The following UTRN variants were observed in gnomAD, a reference collection of about 807,000 sequenced individuals.
The protein encoded by UTRN is dystrophin-related protein 1.
A neutral mutation model predicts 463.9 loss-of-function variants in UTRN; 283 were observed. The ratio of observed to expected loss-of-function variants is 0.61; its 90% confidence interval spans 0.55 to 0.67. The LOEUF is 0.67. Among genes scored for constraint, UTRN ranks in the 30% least tolerant of loss-of-function variants. UTRN has a pLI of 0.00. For synonymous variants in UTRN, 1,442 were observed against 1,431.5 expected (o/e 1.01, Z -0.17); for missense variants, 3,922 against 4,084.3 (o/e 0.96, Z 1.08).
intron 54 of UTRN, among the ~76,000 whole-genome samples, chr6:144,746,493 T>C (rs746405456): frequency 3.2e-4 from 48 of 152,238 alleles, no homozygotes; most frequent in Non-Finnish European, 5.7e-4. Context: ...TTTTTATTTT[T>C]ATTTTTTTGA....
At chr6:144,357,671 T>C (rs1020173072) in intron 2 of UTRN, among the ~76,000 whole-genome samples, 2 of 152,248 alleles carry the variant, frequency 1.3e-5, no homozygotes, top group Non-Finnish European at 2.9e-5. Flanking sequence ...GAATCACTGA[T>C]CTTAGTACTT....
intron 33 of UTRN, among the ~76,000 whole-genome samples, chr6:144,496,255 G>GGT (rs1483451341): frequency 6.6e-6 from 1 of 152,156 alleles, no homozygotes; most frequent in African/African-American, 2.4e-5. Flanking sequence ...AGGTAATATT[G>GGT]AAGTTTCTAT....
rs749185602 is a variant in UTRN, at chr6:144,448,595, T to C, written c.1903-5T>C. 4 of 1,611,236 alleles carry C rather than the reference T, an allele frequency of 2.5e-6. No homozygotes were observed. Among genetic ancestry groups the C allele is most frequent in the Non-Finnish European group, 3.4e-6 (4 of 1,178,860 alleles). On this transcript the variant is annotated splice_region_variant and splice_polypyrimidine_tract_variant and intron_variant, in intron 16 of 74. Transcript: ENST00000367545. Reference sequence around the variant, plus strand: ...CATTGAAATTTTGGATGGCTTTTATTTCAGGTGACTCAGGCTGTAGCAAAG... The same window carrying C: ...CATTGAAATTTTGGATGGCTTTTATCTCAGGTGACTCAGGCTGTAGCAAAG...
intron 39 of UTRN, among the ~76,000 whole-genome samples, chr6:144,519,643 A>G (rs1795911916): frequency 1.3e-5 from 2 of 152,254 alleles, no homozygotes; most frequent in South Asian, 2.1e-4. Flanking sequence ...AAAAAAATCT[A>G]TTTTGGGAAT....
At chr6:144,542,016 A>T (rs2128607091) in intron 45 of UTRN, among the ~76,000 whole-genome samples, 1 of 152,294 alleles carries the variant, frequency 6.6e-6, no homozygotes, top group South Asian at 2.1e-4. Flanking sequence ...ATCCTGGAGG[A>T]CTCACTGTGC....
intron 41 of UTRN, among the ~76,000 whole-genome samples, chr6:144,525,187 A>G (rs1417429601): frequency 1.3e-5 from 2 of 151,978 alleles, no homozygotes; most frequent in East Asian, 3.9e-4. Context: ...GTATTAGGGT[A>G]ATACTGGCTT....
intron 66 of UTRN, among the ~76,000 whole-genome samples, chr6:144,822,392 A>G (rs1440998593): frequency 2.6e-5 from 4 of 152,114 alleles, no homozygotes; most frequent in Non-Finnish European, 5.9e-5. Context: ...GCATATTTAG[A>G]TAGGTCCATG....
rs1787144298 is a variant in UTRN, at chr6:144,441,387, C to A, written c.1512+916C>A. Among the ~76,000 whole-genome samples the A allele has an allele frequency of 2.0e-5, 3 of 152,342 alleles. No individual in the cohort carries two copies. The South Asian group carries it at 6.2e-4, about 32-fold the overall frequency. On this transcript the variant is annotated intron_variant, in intron 13 of 74. Transcript: ENST00000367545. ...AAACAAAAGGGCTACAGTCCCCATT[C>A]AAGTATGGAATACGGTGGGGTAGTC...
chr6:144,585,353 A>T (rs1168289884), intron 51 of UTRN, among the ~76,000 whole-genome samples: 2 of 152,150 alleles, frequency 1.3e-5, no homozygotes, highest in Non-Finnish European at 1.5e-5. Flanking sequence ...TCTTTCCCAT[A>T]TGCAAAATTA....
At chr6:144,503,851 A>T (rs1030496449) in intron 34 of UTRN, among the ~76,000 whole-genome samples, 2 of 152,234 alleles carry the variant, frequency 1.3e-5, no homozygotes, top group Admixed American at 1.3e-4. Flanking sequence ...GGCCATTTTC[A>T]CAGTATTGAT....
At chr6:144,528,383 A>G in intron 41 of UTRN, among the ~76,000 whole-genome samples, 1 of 152,012 alleles carries the variant, frequency 6.6e-6, no homozygotes, top group East Asian at 1.9e-4. Context: ...TTGTCATATT[A>G]CCATAATTGT....
intron 65 of UTRN, among the ~76,000 whole-genome samples, chr6:144,820,140 A>G (rs768921399): frequency 7.2e-6 from 1 of 139,768 alleles, no homozygotes; most frequent in East Asian, 2.5e-4. Flanking sequence ...TTGGAGAACA[A>G]TAGTTCATGG....
chr6:144,330,474 G>T (rs1447351277), intron 2 of UTRN, among the ~76,000 whole-genome samples: 1 of 152,134 alleles, frequency 6.6e-6, no homozygotes, highest in Non-Finnish European at 1.5e-5. Context: ...AAGCTCTCTT[G>T]CAAGAGTTAG....
chr6:144,288,866 C>G (rs1384619442), intron 1 of UTRN, among the ~76,000 whole-genome samples: 1 of 150,706 alleles, frequency 6.6e-6, no homozygotes, highest in African/African-American at 2.4e-5. Context: ...TGAGTTCAAT[C>G]AATTCCCCTG....
intron 3 of UTRN, among the ~76,000 whole-genome samples, chr6:144,407,695 G>C (rs971231801): frequency 6.6e-6 from 1 of 152,158 alleles, no homozygotes; most frequent in East Asian, 1.9e-4. Flanking sequence ...AATAATATCA[G>C]TCTAAAACCA....
intron 65 of UTRN, among the ~76,000 whole-genome samples, chr6:144,810,030 C>A (rs1354795035): frequency 6.6e-6 from 1 of 152,078 alleles, no homozygotes; most frequent in African/African-American, 2.4e-5. Flanking sequence ...TGGACAGTTG[C>A]GTAGAAGTAT....
At chr6:144,491,160 G>C in intron 32 of UTRN, 58 bp downstream of exon 32, 1 of 1,522,750 alleles carries the variant, frequency 6.6e-7, no homozygotes, top group East Asian at 2.3e-5. Context: ...GTTATGGCTT[G>C]GTCTAGCAAG....
At position 144,636,522 on chromosome 6, in the gene UTRN, A is replaced by G. The variant is rs542991213; in HGVS notation, c.7480-41884A>G. Among the ~76,000 whole-genome samples, 203 of 152,036 alleles carry G rather than the reference A, an allele frequency of 1.3e-3. 2 individuals carry two copies. Among genetic ancestry groups the G allele is most frequent in the Non-Finnish European group, 2.1e-3 (143 of 68,026 alleles). On this transcript the variant is annotated intron_variant, in intron 51 of 74. Coordinates refer to ENST00000367545, the MANE Select transcript of UTRN (RefSeq NM_007124.3). ...ACAATCCTGCACGTTCTGCACATGT[A>G]TCCCAGGACTTAAAGTATAATAAAA...
chr6:144,383,139 C>T (rs1172861841), intron 2 of UTRN, among the ~76,000 whole-genome samples: 2 of 152,058 alleles, frequency 1.3e-5, no homozygotes, highest in African/African-American at 4.8e-5. Context: ...ACCATTTTGC[C>T]CAGGCTGGTC....
Sources: gnomAD v4.1 joint callset for allele counts (sites outside exome capture counted in the v4.1 genomes callset) on GRCh38, gnomAD v4.1.1 for gene constraint, MANE v1.5 for transcripts, NCBI Gene and HGNC (gene_info 2026-07-23, HGNC 2026-07-21) for gene names.